Variants in CRACR2A observed in about 807,000 individuals in gnomAD.
CRACR2A encodes the protein EF-hand calcium-binding domain-containing protein 4B.
In CRACR2A, 79 loss-of-function variants were observed where a neutral mutation model predicts 90.5. The observed-to-expected ratio is 0.87, with a 90% CI of 0.73 to 1.05. The LOEUF is 1.05. CRACR2A is among the 50% of genes least tolerant of loss of function. The pLI, the probability that CRACR2A is intolerant of heterozygous loss-of-function variation, is 0.00. For synonymous variants in CRACR2A, 338 were observed against 356.7 expected (o/e 0.95, Z 0.59); for missense variants, 823 against 897.2 (o/e 0.92, Z 1.06).
intron 10 of CRACR2A, among the ~76,000 whole-genome samples, chr12:3,649,781 T>C (rs1291169875): frequency 7.6e-6 from 1 of 132,238 alleles, no homozygotes; most frequent in African/African-American, 2.9e-5. Context: ...AGAGAGAGAG[T>C]AAAAGAGGTG....
intron 13 of CRACR2A, 87 bp from the exon 14 acceptor site, chr12:3,638,541 AT>A: frequency 7.2e-7 from 1 of 1,389,822 alleles, no homozygotes; most frequent in South Asian, 1.5e-5. Flanking sequence ...TGACGAACAG[AT>A]ACCCAAGGAG....
At chr12:3,687,179 C>A (rs1945573338) in intron 4 of CRACR2A, among the ~76,000 whole-genome samples, 1 of 150,496 alleles carries the variant, frequency 6.6e-6, no homozygotes, top group Non-Finnish European at 1.5e-5. Flanking sequence ...CTCCTCTCAT[C>A]CCATTTTCTT....
At chr12:3,750,032 G>A (rs980119432) in intron 1 of CRACR2A, among the ~76,000 whole-genome samples, 1 of 151,868 alleles carries the variant, frequency 6.6e-6, no homozygotes, top group Admixed American at 6.6e-5. Context: ...CGCCTCCCGG[G>A]TTCAACCAAT....
chr12:3,706,282 C>T (rs1306517478), intron 3 of CRACR2A, among the ~76,000 whole-genome samples: 3 of 152,194 alleles, frequency 2.0e-5, no homozygotes, highest in Non-Finnish European at 2.9e-5. Context: ...TGCTGAGCTG[C>T]GTCTCACAGG....
intron 19 of CRACR2A, 31 bp downstream of exon 19, chr12:3,616,923 G>A (rs536450210): frequency 5.3e-6 from 8 of 1,517,124 alleles, no homozygotes; most frequent in Non-Finnish European, 7.2e-6. Flanking sequence ...GGACACAGCA[G>A]TTACTGCACC....
chr12:3,666,346 TGTGTGTGTGC>T (rs1487689317), intron 7 of CRACR2A, among the ~76,000 whole-genome samples: 6 of 138,324 alleles, frequency 4.3e-5, no homozygotes, highest in African/African-American at 1.7e-4. Flanking sequence ...TGTGTGTGTG[TGTGTGTGTGC>T]GTGCGTGTGC....
intron 10 of CRACR2A, among the ~76,000 whole-genome samples, chr12:3,652,986 A>T (rs1233007706): frequency 6.8e-6 from 1 of 147,402 alleles, no homozygotes; most frequent in Non-Finnish European, 1.5e-5. Flanking sequence ...TACCAGGATA[A>T]TTTTTTTTTT....
In CRACR2A at chr12:3,673,351, C is replaced by A. The variant is rs1295965509; in HGVS notation, c.671+95G>T. ...TGGCAGACAGCAAAAGGAGGCATTG[C>A]ACGATGTTTTGGCAGAAGATCTAAG... is the stretch of plus-strand genomic sequence containing the variant. On this transcript the variant is annotated intron_variant, in intron 7 of 19. Transcript: ENST00000440314. 4.1e-6 allele frequency: 6 copies of A among 1,463,566 alleles called. No individual in the cohort carries two copies. The East Asian group carries it at 1.1e-4, about 28-fold the overall frequency. 90.7% of individuals were successfully genotyped at this position (1,463,566 alleles called of 1,614,324 possible).
chr12:3,739,226 C>A (rs1332728335), intron 1 of CRACR2A, among the ~76,000 whole-genome samples: 1 of 152,192 alleles, frequency 6.6e-6, no homozygotes, highest in Non-Finnish European at 1.5e-5. Context: ...GGTAGTCAGA[C>A]ATGCTTATAC....
chr12:3,620,258 T>C (rs1384257184), intron 17 of CRACR2A, among the ~76,000 whole-genome samples: 4 of 152,208 alleles, frequency 2.6e-5, no homozygotes, highest in Admixed American at 6.5e-5. Context: ...TTGAAGAAGG[T>C]TGTTATTTTT....
At chr12:3,747,406 T>C (rs192830984) in intron 1 of CRACR2A, among the ~76,000 whole-genome samples, 172 of 152,266 alleles carry the variant, frequency 1.1e-3, no homozygotes, top group African/African-American at 4.0e-3. Flanking sequence ...CCGTCTTTGG[T>C]CAAGGTGGGG....
intron 7 of CRACR2A, among the ~76,000 whole-genome samples, chr12:3,668,730 A>T (rs1417003377): frequency 6.6e-6 from 1 of 152,194 alleles, no homozygotes; most frequent in Non-Finnish European, 1.5e-5. Flanking sequence ...GCTGCCTGTC[A>T]GTCTGTAAGG....
chr12:3,619,428 G>A (rs1170443125), intron 17 of CRACR2A, 56 bp from the exon 18 acceptor site: 1 of 1,422,554 alleles, frequency 7.0e-7, no homozygotes, highest in Non-Finnish European at 9.7e-7. Context: ...TGCCCAGAGG[G>A]CAGGCTAACA....
intron 1 of CRACR2A, among the ~76,000 whole-genome samples, chr12:3,748,453 C>T (rs1019776799): frequency 1.3e-5 from 2 of 152,174 alleles, no homozygotes; most frequent in South Asian, 2.1e-4. Flanking sequence ...GCTGGCATTC[C>T]GAGAAAGCCA....
intron 4 of CRACR2A, among the ~76,000 whole-genome samples, chr12:3,686,199 C>T (rs78549001): frequency 0.023 from 3,471 of 152,308 alleles, 63 homozygotes; most frequent in Non-Finnish European, 0.033. Context: ...TTCTAGTTAA[C>T]CTAAATCAGG....
intron 2 of CRACR2A, among the ~76,000 whole-genome samples, chr12:3,720,135 A>AAAGT (rs1491372536): frequency 4.6e-4 from 64 of 138,818 alleles, no homozygotes; most frequent in African/African-American, 1.7e-3. Context: ...AGAAAGAAAG[A>AAAGT]AAAAGAAAAG....
In CRACR2A at chr12:3,656,332, C is replaced by T. The variant is rs200530063; in HGVS notation, c.837G>A (p.Gln279=). The T allele has an allele frequency of 3.8e-5, 61 of 1,614,116 alleles. No homozygotes were observed. The African/African-American group carries it at 7.5e-4, about 20-fold the overall frequency. ...KLLCKEQELE[Q]LTQKQKRLEG... ...ATACCCTTTTCTGCTTCTGGGTGAG[C>T]TGCTCCAGCTCCTGCTCCTTACATA... The change falls in exon 9 of 20, where the codon CAG becomes CAA. Residue 279 remains glutamine (Q), a synonymous_variant. Coordinates refer to ENST00000440314, the MANE Select transcript of CRACR2A (RefSeq NM_001144958.2).
chr12:3,738,310 C>T (rs764804324), intron 1 of CRACR2A, among the ~76,000 whole-genome samples: 167 of 152,032 alleles, frequency 1.1e-3, no homozygotes, highest in Non-Finnish European at 1.9e-3. Flanking sequence ...ATTCACGGGC[C>T]AGGGGCTTCT....
rs571381180 is a variant in CRACR2A at position 3,660,349 on chromosome 12, G to A, written c.672-695C>T. Among the ~76,000 whole-genome samples, 14 of 152,304 alleles carry A rather than the reference G, an allele frequency of 9.2e-5. No individual in the cohort carries two copies. The East Asian group carries it at 2.3e-3, about 25-fold the overall frequency. ...CACAGGCAGACAGTGTGAGACAGGC[G>A]AGGCTGGTTGGAGGATGGCGATGAC... On this transcript the variant is annotated intron_variant, in intron 7 of 19. Coordinates refer to ENST00000440314, the MANE Select transcript of CRACR2A (RefSeq NM_001144958.2).
Sources: allele counts gnomAD v4.1 joint callset (sites outside exome capture counted in the v4.1 genomes callset), GRCh38; gene constraint gnomAD v4.1.1; transcripts MANE v1.5; gene names NCBI Gene and HGNC (gene_info 2026-07-23, HGNC 2026-07-21).